The following MCMDC2 variants were observed in gnomAD, a reference collection of about 807,000 sequenced individuals.
MCMDC2 encodes the protein minichromosome maintenance domain containing 2.
Under a neutral mutation model 75.8 loss-of-function variants are expected in MCMDC2, and 54 were observed. The ratio of observed to expected loss-of-function variants is 0.71; its 90% confidence interval spans 0.57 to 0.89. MCMDC2 has a LOEUF of 0.89. Ranked by LOEUF, MCMDC2 falls within the 40% of genes least tolerant of loss-of-function variation. The pLI is 0.00. For missense variants in MCMDC2, 656 were observed against 780.4 expected, an observed-to-expected ratio of 0.84 and a Z score of 1.90; for synonymous variants, 249 against 274.6, an observed-to-expected ratio of 0.91 and a Z score of 0.92.
intron 14 of MCMDC2, among the ~76,000 whole-genome samples, chr8:66,915,820 T>C (rs1158330491): frequency 2.6e-5 from 4 of 152,032 alleles, no homozygotes; most frequent in Non-Finnish European, 5.9e-5. Context: ...TATTTATAAA[T>C]GGGGTTGTGG....
intron 14 of MCMDC2, among the ~76,000 whole-genome samples, chr8:66,914,098 T>G (rs1218888689): frequency 6.7e-6 from 1 of 149,020 alleles, no homozygotes; most frequent in Non-Finnish European, 1.5e-5. Flanking sequence ...GGCAACATGG[T>G]GAGACCTCCC....
intron 9 of MCMDC2, 106 bp downstream of exon 9, chr8:66,884,100 C>A: frequency 1.4e-6 from 1 of 708,272 alleles, no homozygotes; most frequent in Non-Finnish European, 2.4e-6. Flanking sequence ...TTTTCTGAGC[C>A]AGTATAAGTA....
At chr8:66,892,598 G>A (rs1812161947) in intron 10 of MCMDC2, among the ~76,000 whole-genome samples, 1 of 152,214 alleles carries the variant, frequency 6.6e-6, no homozygotes, top group African/African-American at 2.4e-5. Context: ...TATGGGCTAA[G>A]AATGGAGGAA....
intron 8 of MCMDC2, 80 bp downstream of exon 8, chr8:66,881,054 T>C: frequency 8.5e-7 from 1 of 1,174,390 alleles, no homozygotes. Flanking sequence ...ATTGTTTGCC[T>C]ATGTGCTAGG....
chr8:66,902,058 G>A (rs1304072488), intron 13 of MCMDC2, among the ~76,000 whole-genome samples: 1 of 151,738 alleles, frequency 6.6e-6, no homozygotes. Flanking sequence ...GCTGGGTGCA[G>A]TGGGTCACAC....
intron 14 of MCMDC2, among the ~76,000 whole-genome samples, chr8:66,914,283 C>CAAAA (rs67943900): frequency 1.1e-4 from 9 of 85,698 alleles, no homozygotes; most frequent in Non-Finnish European, 1.4e-4. Flanking sequence ...ACCCTGTATC[C>CAAAA]AAAAAAAAAA....
intron 13 of MCMDC2, among the ~76,000 whole-genome samples, chr8:66,902,711 A>AAAAAAAAAAAATATATATAT (rs1467425752): frequency 1.5e-5 from 1 of 67,914 alleles, no homozygotes; most frequent in African/African-American, 7.3e-5. Flanking sequence ...AAAAAAAAAA[A>AAAAAAAAAAAATATATATAT]ATATATATAT....
At chr8:66,875,907 A>C (rs956469367) in intron 4 of MCMDC2, among the ~76,000 whole-genome samples, 1 of 152,196 alleles carries the variant, frequency 6.6e-6, no homozygotes, top group African/African-American at 2.4e-5. Flanking sequence ...CTTATTTCCC[A>C]ACCTCATATT....
In MCMDC2 at chr8:66,878,913, C is replaced by A; in HGVS notation, c.703C>A (p.Leu235Ile). 2 of 1,592,450 alleles carry A rather than the reference C, an allele frequency of 1.3e-6. No individual in the cohort carries two copies. Among genetic ancestry groups the A allele is most frequent in the Non-Finnish European group, 8.6e-7 (1 of 1,164,112 alleles). The stretch of plus-strand genomic sequence containing the variant: ...TAGGTTTCAATCACTTACAATTTTC[C>A]TAAGAGGTAAGTGAATTCTGTTTGA... The part of the protein sequence containing the change: ...PFRFQSLTIF[L>I]RDESVNKMNI... The change falls in exon 7 of 15, where the codon CTA (leucine) becomes ATA (isoleucine). Residue 235 changes from leucine (L) to isoleucine (I), a missense_variant. Leu to Ile is a conservative substitution (Grantham distance 5). Coordinates refer to ENST00000422365, the MANE Select transcript of MCMDC2 (RefSeq NM_173518.5).
chr8:66,878,116 C>A (rs1489896538), intron 5 of MCMDC2, among the ~76,000 whole-genome samples: 1 of 151,956 alleles, frequency 6.6e-6, no homozygotes, highest in Non-Finnish European at 1.5e-5. Flanking sequence ...GTGAGTGAAA[C>A]GTTTAATGTC....
intron 14 of MCMDC2, among the ~76,000 whole-genome samples, chr8:66,905,618 A>G (rs955396304): frequency 1.3e-5 from 2 of 152,168 alleles, no homozygotes; most frequent in African/African-American, 2.4e-5. Context: ...TACAACACAT[A>G]AAATGATTTT....
Position 66,919,905 on chromosome 8 carries a change from G to T in MCMDC2, c.*736G>T, listed in dbSNP as rs901336413. 6.6e-6 allele frequency: 1 copy of T among 152,212 alleles called. No homozygotes were observed. Among genetic ancestry groups the T allele is most frequent in the Admixed American group, 6.5e-5 (1 of 15,276 alleles). The allele number at this position is 152,212 out of a possible 1,614,324, so 9.4% of individuals were successfully genotyped here. Reference sequence around the variant, plus strand: ...CAAATCTAGTCCTCATTTTTGGAGGGAAGATATCTGCTCTGAAAAGATAGG... The same window carrying T: ...CAAATCTAGTCCTCATTTTTGGAGGTAAGATATCTGCTCTGAAAAGATAGG... On this transcript the variant is annotated 3_prime_UTR_variant, in exon 15 of 15. Coordinates refer to ENST00000422365, the MANE Select transcript of MCMDC2 (RefSeq NM_173518.5).
At chr8:66,872,344 C>T (rs1270240968) in intron 1 of MCMDC2, among the ~76,000 whole-genome samples, 1 of 152,142 alleles carries the variant, frequency 6.6e-6, no homozygotes, top group Admixed American at 6.6e-5. Flanking sequence ...TCAAATGTCA[C>T]CTTAAAGTAG....
At chr8:66,883,724 CT>C in intron 8 of MCMDC2, 32 bp from the exon 9 acceptor site, 1 of 1,236,712 alleles carries the variant, frequency 8.1e-7, no homozygotes, top group Non-Finnish European at 1.2e-6. Flanking sequence ...TTTTAAAACC[CT>C]TTCTAATATA....
intron 9 of MCMDC2, among the ~76,000 whole-genome samples, chr8:66,888,036 T>C (rs563545463): frequency 6.6e-6 from 1 of 152,312 alleles, no homozygotes; most frequent in South Asian, 2.1e-4. Flanking sequence ...TTTTAAAGAT[T>C]AAAAAAATTT....
At chr8:66,877,996 T>C (rs1016138845) in intron 5 of MCMDC2, among the ~76,000 whole-genome samples, 21 of 152,200 alleles carry the variant, frequency 1.4e-4, no homozygotes, top group African/African-American at 5.1e-4. Flanking sequence ...ATATTTACTT[T>C]GCATAATCTT....
intron 14 of MCMDC2, among the ~76,000 whole-genome samples, chr8:66,906,126 A>G (rs1439041079): frequency 6.6e-6 from 1 of 152,140 alleles, no homozygotes; most frequent in Non-Finnish European, 1.5e-5. Flanking sequence ...AATGGCACTT[A>G]TTATGCTTTT....
At chr8:66,905,108 G>A in intron 13 of MCMDC2, 118 bp from the exon 14 acceptor site, 1 of 801,262 alleles carries the variant, frequency 1.2e-6, no homozygotes, top group East Asian at 3.8e-5. Flanking sequence ...TTTTTTTAAA[G>A]TAAGAATATG....
rs896955356 is a variant in MCMDC2, at chr8:66,920,999, A to G, written c.*1830A>G. 1 of 152,076 alleles carries G rather than the reference A, an allele frequency of 6.6e-6. No individual in the cohort carries two copies. Among genetic ancestry groups the G allele is most frequent in the African/African-American group, 2.4e-5 (1 of 41,396 alleles). 9.4% of individuals were successfully genotyped at this position (152,076 alleles called of 1,614,324 possible). A position where few individuals can be genotyped will look rare whatever the true frequency, so the allele number is the denominator to read the frequency against. Reference sequence around the variant, plus strand: ...CTTTTATTTACTTATCTATATTTATATATACATATTTATATGTAGCTGTCA... The same window carrying G: ...CTTTTATTTACTTATCTATATTTATGTATACATATTTATATGTAGCTGTCA... On this transcript the variant is annotated 3_prime_UTR_variant, in exon 15 of 15. Transcript: ENST00000422365.
Sources: gnomAD v4.1 joint callset for allele counts (sites outside exome capture counted in the v4.1 genomes callset) on GRCh38, gnomAD v4.1.1 for gene constraint, MANE v1.5 for transcripts, NCBI Gene and HGNC (gene_info 2026-07-23, HGNC 2026-07-21) for gene names.